PARD3: variants seen among roughly 807,000 people sequenced by gnomAD.
PARD3 encodes the protein par-3 family cell polarity regulator.
PARD3 carries 75 observed loss-of-function variants against 155.4 expected under a neutral mutation model. The observed-to-expected ratio is 0.48, with a 90% confidence interval of 0.40 to 0.58. The LOEUF is 0.58. Among genes scored for constraint, PARD3 ranks in the 20% least tolerant of loss-of-function variants. The probability of loss-of-function intolerance (pLI) is 0.00; values close to 1 mark genes in which losing one functional copy is unlikely to be tolerated. For missense variants in PARD3, 1,642 were observed against 1,721.7 expected, an observed-to-expected ratio of 0.95 and a Z score of 0.82; for synonymous variants, 576 against 610.5, an observed-to-expected ratio of 0.94 and a Z score of 0.83.
At chr10:34,391,614 T>C (rs1745396448) in intron 7 of PARD3, among the ~76,000 whole-genome samples, 1 of 152,178 alleles carries the variant, frequency 6.6e-6, no homozygotes, top group South Asian at 2.1e-4. Flanking sequence ...CAGAGAAACA[T>C]CAGTTTATAT....
chr10:34,354,780 A>G (rs1037958283), intron 14 of PARD3, among the ~76,000 whole-genome samples: 1 of 152,168 alleles, frequency 6.6e-6, no homozygotes, highest in African/African-American at 2.4e-5. Flanking sequence ...ACCGATGACA[A>G]TCAGGCATGT....
chr10:34,204,282 G>C (rs1951358655), intron 22 of PARD3, among the ~76,000 whole-genome samples: 1 of 152,160 alleles, frequency 6.6e-6, no homozygotes, highest in South Asian at 2.1e-4. Context: ...TGACACATGG[G>C]GTTTTATTAG....
At chr10:34,402,141 T>C (rs1490570251) in intron 5 of PARD3, among the ~76,000 whole-genome samples, 1 of 152,046 alleles carries the variant, frequency 6.6e-6, no homozygotes, top group Admixed American at 6.6e-5. Flanking sequence ...GAATAAGATA[T>C]ACTACTGTGA....
At chr10:34,298,716 G>C (rs1161750243) in intron 20 of PARD3, among the ~76,000 whole-genome samples, 1 of 152,114 alleles carries the variant, frequency 6.6e-6, no homozygotes, top group African/African-American at 2.4e-5. Context: ...TGAACTAAAC[G>C]GCTTAAAAAT....
In PARD3 at chr10:34,341,687, C is replaced by T. The variant is rs772614762; in HGVS notation, c.2348G>A (p.Gly783Glu). 2.0e-5 allele frequency: 32 copies of T among 1,613,942 alleles called. 1 individual carries two copies. In the South Asian group the frequency reaches 3.5e-4, roughly 18 times the overall value. Reference protein sequence around the residue: ...QSSSSSHDDVGFVTADAGTWA... With the variant: ...QSSSSSHDDVEFVTADAGTWA... ...AGTACCAGCATCTGCCGTCACAAACCCCACATCATCATGGGAGCTGGAAGA... is the reference window on the plus strand; with the variant it reads ...AGTACCAGCATCTGCCGTCACAAACTCCACATCATCATGGGAGCTGGAAGA... Residue 783 changes from glycine (G) to glutamate (E), a missense_variant, in exon 16 of 25, where the codon GGG (glycine) becomes GAG (glutamate). Gly to Glu is a moderately conservative substitution (Grantham distance 98, BLOSUM62 -2). Around this residue, in one of 3 missense-constraint regions of PARD3, gnomAD observed 1,529 missense variants for 1,587.3 expected, o/e 0.96. Coordinates refer to ENST00000374788, the MANE Select transcript of PARD3 (RefSeq NM_001184785.2).
intron 1 of PARD3, among the ~76,000 whole-genome samples, chr10:34,701,845 G>T (rs1416240693): frequency 3.9e-5 from 6 of 152,124 alleles, no homozygotes; most frequent in Non-Finnish European, 8.8e-5. Flanking sequence ...AGGCTACAGT[G>T]AGCTTGTCTC....
At chr10:34,353,760 T>A (rs1366729417) in intron 14 of PARD3, among the ~76,000 whole-genome samples, 3 of 151,000 alleles carry the variant, frequency 2.0e-5, no homozygotes, top group Admixed American at 6.6e-5. Flanking sequence ...AAATAAAAAA[T>A]AAAAGTCTTC....
chr10:34,717,758 A>T (rs1401846562), intron 1 of PARD3, among the ~76,000 whole-genome samples: 1 of 152,242 alleles, frequency 6.6e-6, no homozygotes, highest in Non-Finnish European at 1.5e-5. Context: ...GCACACCACC[A>T]GTGAATTAAG....
intron 4 of PARD3, among the ~76,000 whole-genome samples, chr10:34,453,189 T>A (rs1290104173): frequency 6.6e-6 from 1 of 152,226 alleles, no homozygotes; most frequent in Non-Finnish European, 1.5e-5. Context: ...CTTGCTTTTT[T>A]TGAGACCTGT....
intron 2 of PARD3, 46 bp downstream of exon 2, chr10:34,696,269 CAAA>C: frequency 1.1e-6 from 1 of 947,130 alleles, no homozygotes; most frequent in South Asian, 1.5e-5. Flanking sequence ...CCCTAGTCCT[CAAA>C]AAAAAAAAAT....
In PARD3 at chr10:34,814,731, G is replaced by T. The variant is rs935415335; in HGVS notation, c.120+145C>A. Reference sequence around the variant, plus strand: ...AACTTTGGCGCCCGCAGTCCGGGGCGGGGGGCGCCCGCGAGGCCCGACCGG... The same window carrying T: ...AACTTTGGCGCCCGCAGTCCGGGGCTGGGGGCGCCCGCGAGGCCCGACCGG... On this transcript the variant is annotated intron_variant, in intron 1 of 24. Coordinates refer to ENST00000374788, the MANE Select transcript of PARD3 (RefSeq NM_001184785.2). 76 of 650,424 alleles carry T rather than the reference G, an allele frequency of 1.2e-4. No individual in the cohort carries two copies. In the Middle Eastern group the frequency reaches 1.8e-3, roughly 16 times the overall value. 40.3% of individuals were successfully genotyped at this position (650,424 alleles called of 1,614,324 possible).
At position 34,747,613 on chromosome 10, in the gene PARD3, C is replaced by T. The variant is rs142972661; in HGVS notation, c.121-51194G>A. Among the ~76,000 whole-genome samples, 654 of 152,284 alleles carry T rather than the reference C, an allele frequency of 4.3e-3. 5 individuals carry two copies. The highest frequency in any genetic ancestry group is 0.015 in the African/African-American group (614 of 41,558). ...TTCACTTAGCTTCAAGGGGCTTCCACGACACCCAGCCTGGCTCCCTCCATC... is the reference window on the plus strand; with the variant it reads ...TTCACTTAGCTTCAAGGGGCTTCCATGACACCCAGCCTGGCTCCCTCCATC... On this transcript the variant is annotated intron_variant, in intron 1 of 24. Coordinates refer to ENST00000374788, the MANE Select transcript of PARD3 (RefSeq NM_001184785.2).
At chr10:34,605,621 C>A (rs1310159646) in intron 2 of PARD3, among the ~76,000 whole-genome samples, 3 of 65,774 alleles carry the variant, frequency 4.6e-5, no homozygotes, top group Admixed American at 1.7e-4. Flanking sequence ...ATATATATAT[C>A]TCCTATATAT....
chr10:34,744,075 A>C (rs953615480), intron 1 of PARD3, among the ~76,000 whole-genome samples: 5 of 152,218 alleles, frequency 3.3e-5, no homozygotes, highest in African/African-American at 1.2e-4. Context: ...TGACTACTAG[A>C]GCAGCAAAAA....
At chr10:34,812,299 T>C (rs1460302733) in intron 1 of PARD3, among the ~76,000 whole-genome samples, 1 of 152,226 alleles carries the variant, frequency 6.6e-6, no homozygotes, top group East Asian at 1.9e-4. Flanking sequence ...GCCATAAACA[T>C]GATCTGCCCA....
intron 1 of PARD3, among the ~76,000 whole-genome samples, chr10:34,748,655 C>T (rs1835610831): frequency 6.6e-6 from 1 of 151,982 alleles, no homozygotes. Flanking sequence ...TCCCCCCCTG[C>T]TCCCACTCTC....
At chr10:34,428,317 C>T (rs2075729048) in intron 5 of PARD3, among the ~76,000 whole-genome samples, 1 of 152,140 alleles carries the variant, frequency 6.6e-6, no homozygotes, top group Non-Finnish European at 1.5e-5. Flanking sequence ...AAAAGCTCTT[C>T]ATCTACTCAC....
intron 2 of PARD3, among the ~76,000 whole-genome samples, chr10:34,539,232 C>G (rs2083432668): frequency 6.6e-6 from 1 of 152,158 alleles, no homozygotes; most frequent in Non-Finnish European, 1.5e-5. Context: ...GTGGTGCTCC[C>G]AGATGCTGGA....
At chr10:34,639,207 CCAACAT>C (rs1166188947) in intron 2 of PARD3, among the ~76,000 whole-genome samples, 1 of 151,846 alleles carries the variant, frequency 6.6e-6, no homozygotes, top group East Asian at 1.9e-4. Flanking sequence ...ACCAGCCTGA[CCAACAT>C]GGTGAAACCC....
Sources: allele counts gnomAD v4.1 joint callset (sites outside exome capture counted in the v4.1 genomes callset), GRCh38; gene constraint gnomAD v4.1.1; regional missense constraint gnomAD v4.1.1; transcripts MANE v1.5; gene names NCBI Gene and HGNC (gene_info 2026-07-23, HGNC 2026-07-21).